Variants in PLEKHM3 observed in about 807,000 individuals in gnomAD.
PLEKHM3 encodes pleckstrin homology domain-containing family M member 3.
Under a neutral mutation model 81.8 loss-of-function variants are expected in PLEKHM3, and 45 were observed. That is an observed-to-expected ratio of 0.55 (90% confidence interval 0.43 to 0.71). The LOEUF (loss-of-function observed/expected upper bound fraction) is 0.71, where lower values mean the gene tolerates loss of function less well. Ranked by LOEUF, PLEKHM3 falls within the 30% of genes least tolerant of loss-of-function variation. The pLI, the probability that PLEKHM3 is intolerant of heterozygous loss-of-function variation, is 0.00. For missense variants in PLEKHM3, 788 were observed against 924.3 expected (o/e 0.85, Z 1.91); for synonymous variants, 352 against 356.4 (o/e 0.99, Z 0.14).
rs375764742 is a variant in PLEKHM3, at chr2:207,975,074, C to T, written c.1546+1577G>A. ...CGAACTCCTGACCTTGTGATCCGCC[C>T]GCCTCGGCCTCCCAAAGTGCTGGGA... On this transcript the variant is annotated intron_variant, in intron 3 of 7. Coordinates refer to ENST00000427836, the MANE Select transcript of PLEKHM3 (RefSeq NM_001080475.3). Among the ~76,000 whole-genome samples, 15 of 152,202 alleles carry T rather than the reference C, an allele frequency of 9.9e-5. 1 individual carries two copies. In the East Asian group the frequency reaches 1.5e-3, roughly 16 times the overall value.
chr2:207,995,260 C>T (rs976219532), intron 2 of PLEKHM3, among the ~76,000 whole-genome samples: 1 of 152,212 alleles, frequency 6.6e-6, no homozygotes. Context: ...AGCTGGATTG[C>T]TTTGGCATGC....
intron 1 of PLEKHM3, among the ~76,000 whole-genome samples, chr2:208,011,789 T>TA (rs1692705326): frequency 8.6e-6 from 1 of 115,620 alleles, no homozygotes; most frequent in African/African-American, 4.6e-5. Flanking sequence ...GATAAACTTT[T>TA]TTTTTTTTTT....
chr2:208,011,078 A>C lies in PLEKHM3; in HGVS notation c.-318-9121T>G, dbSNP rs532615928. On this transcript the variant is annotated intron_variant, in intron 1 of 7. Coordinates refer to ENST00000427836, the MANE Select transcript of PLEKHM3 (RefSeq NM_001080475.3). Reference sequence around the variant, plus strand: ...ATGGCCATAATCAAAAAAAAAAAAAAAAAAACAAAATAGATGTTGGCGTGG... The same window carrying C: ...ATGGCCATAATCAAAAAAAAAAAAACAAAAACAAAATAGATGTTGGCGTGG... Among the ~76,000 whole-genome samples the C allele has an allele frequency of 1.8e-4, 27 of 152,000 alleles. 1 individual carries two copies. The highest frequency in any genetic ancestry group is 5.8e-4 in the East Asian group (3 of 5,186).
chr2:207,889,210 T>C (rs992886960), intron 6 of PLEKHM3, among the ~76,000 whole-genome samples: 24 of 152,150 alleles, frequency 1.6e-4, no homozygotes, highest in Non-Finnish European at 3.1e-4. Flanking sequence ...ATGCTGGGGA[T>C]GCAGGTGAAC....
chr2:207,934,154 A>C (rs1318552634), intron 4 of PLEKHM3, among the ~76,000 whole-genome samples: 2 of 152,240 alleles, frequency 1.3e-5, no homozygotes, highest in Non-Finnish European at 1.5e-5. Flanking sequence ...GATAAAGTTT[A>C]TGTGAGAAAA....
intron 6 of PLEKHM3, among the ~76,000 whole-genome samples, chr2:207,902,551 AG>A (rs1037769428): frequency 6.6e-6 from 1 of 152,218 alleles, no homozygotes; most frequent in African/African-American, 2.4e-5. Flanking sequence ...CTAGCAAAAA[AG>A]TTAACTGAAG....
At chr2:208,020,025 A>G (rs1693071995) in intron 1 of PLEKHM3, among the ~76,000 whole-genome samples, 1 of 152,256 alleles carries the variant, frequency 6.6e-6, no homozygotes. Flanking sequence ...TCTGCTAGTT[A>G]TATTTCTGAT....
At chr2:207,844,394 C>T (rs992981086) in intron 7 of PLEKHM3, among the ~76,000 whole-genome samples, 7 of 151,252 alleles carry the variant, frequency 4.6e-5, no homozygotes, top group Non-Finnish European at 8.8e-5. Flanking sequence ...GCTCCGCCTC[C>T]CGGGCTCACG....
At chr2:207,847,931 A>G (rs1181952001) in intron 7 of PLEKHM3, among the ~76,000 whole-genome samples, 1 of 152,226 alleles carries the variant, frequency 6.6e-6, no homozygotes, top group Non-Finnish European at 1.5e-5. Flanking sequence ...ATTGTTGAAC[A>G]GGATGTAACA....
chr2:207,846,409 G>A (rs1439387687), intron 7 of PLEKHM3, among the ~76,000 whole-genome samples: 2 of 152,054 alleles, frequency 1.3e-5, no homozygotes, highest in Non-Finnish European at 2.9e-5. Context: ...CAAAGTGCTG[G>A]GATTACAGGC....
chr2:208,002,368 A>C lies in PLEKHM3; in HGVS notation c.-318-411T>G, dbSNP rs1692339203. 2.0e-5 allele frequency among the ~76,000 whole-genome samples: 3 copies of C among 152,240 alleles called. 1 individual carries two copies. Among genetic ancestry groups the C allele is most frequent in the Admixed American group, 2.0e-4 (3 of 15,284 alleles). ...GAGTCCTTTCACAAACTTTGAAGGC[A>C]CTGATGATTTGTTGGGTTTAAAGGT... On this transcript the variant is annotated intron_variant, in intron 1 of 7. Coordinates refer to ENST00000427836, the MANE Select transcript of PLEKHM3 (RefSeq NM_001080475.3).
intron 2 of PLEKHM3, among the ~76,000 whole-genome samples, chr2:207,978,143 G>A (rs1487153928): frequency 2.0e-5 from 3 of 151,990 alleles, no homozygotes; most frequent in African/African-American, 7.2e-5. Flanking sequence ...ACAAGAATAA[G>A]TATGGGGCAT....
At chr2:207,999,662 C>G (rs1483656406) in intron 2 of PLEKHM3, among the ~76,000 whole-genome samples, 2 of 152,104 alleles carry the variant, frequency 1.3e-5, no homozygotes. Context: ...TTTTTACTCC[C>G]ATGGTCACTA....
chr2:207,842,110 T>C (rs1404044640), intron 7 of PLEKHM3, among the ~76,000 whole-genome samples: 1 of 152,198 alleles, frequency 6.6e-6, no homozygotes, highest in Admixed American at 6.5e-5. Flanking sequence ...GCTAATTTTT[T>C]GTATTTTTAG....
rs374113466 is a variant in PLEKHM3, at chr2:207,947,235, C to T, written c.1547-723G>A. 5.9e-5 allele frequency among the ~76,000 whole-genome samples: 9 copies of T among 152,288 alleles called. No individual in the cohort carries two copies. In the East Asian group the frequency reaches 9.7e-4, roughly 16 times the overall value. On this transcript the variant is annotated intron_variant, in intron 3 of 7. Coordinates refer to ENST00000427836, the MANE Select transcript of PLEKHM3 (RefSeq NM_001080475.3). ...AATAAACACAGCATGCTTACTCCAC[C>T]CTCCATATATTCACATGTATTACCT...
intron 5 of PLEKHM3, among the ~76,000 whole-genome samples, chr2:207,913,934 C>A (rs9288387): frequency 0.046 from 1,293 of 28,208 alleles, 20 homozygotes; most frequent in African/African-American, 0.16. Context: ...TGCATGAAAA[C>A]ACACACACAC....
chr2:207,922,672 C>T (rs1024689670), intron 5 of PLEKHM3, among the ~76,000 whole-genome samples: 1 of 152,062 alleles, frequency 6.6e-6, no homozygotes, highest in African/African-American at 2.4e-5. Context: ...ATTAGCTGGG[C>T]GTGGTGGCGG....
In PLEKHM3 at chr2:207,865,801, A is replaced by AAAAAAAAATATAT; in HGVS notation, c.1951-4540_1951-4539insATATATTTTTTTT. On this transcript the variant is annotated intron_variant, in intron 6 of 7. Coordinates refer to ENST00000427836, the MANE Select transcript of PLEKHM3 (RefSeq NM_001080475.3). Reference sequence around the variant, plus strand: ...CGACTCAAAAAAAAAAAAAAAAAAAAAGATATATATATATATATATATATA... The same window carrying AAAAAAAAATATAT: ...CGACTCAAAAAAAAAAAAAAAAAAAAAAAAAAAATATATAGATATATATATATATATATATATA... Among the ~76,000 whole-genome samples, 5 of 25,290 alleles carry AAAAAAAAATATAT rather than the reference A, an allele frequency of 2.0e-4. 1 individual carries two copies. The highest frequency in any genetic ancestry group is 4.2e-4 in the African/African-American group (2 of 4,794). 16.6% of individuals were successfully genotyped at this position (25,290 alleles called of 152,430 possible). A position where few individuals can be genotyped will look rare whatever the true frequency, so the allele number is the denominator to read the frequency against.
At chr2:207,890,426 G>C (rs979608489) in intron 6 of PLEKHM3, among the ~76,000 whole-genome samples, 6 of 152,038 alleles carry the variant, frequency 3.9e-5, no homozygotes, top group Admixed American at 3.9e-4. Flanking sequence ...TCAGGAGTTC[G>C]AGACCAGCCT....
Sources: gnomAD v4.1 joint callset for allele counts (sites outside exome capture counted in the v4.1 genomes callset) on GRCh38, gnomAD v4.1.1 for gene constraint, MANE v1.5 for transcripts, NCBI Gene and HGNC (gene_info 2026-07-23, HGNC 2026-07-21) for gene names.